Variants in DDX50 observed in about 807,000 individuals in gnomAD.
The protein encoded by DDX50 is DExD-box helicase 50.
In DDX50, 56 loss-of-function variants were observed where a neutral mutation model predicts 94.8. The ratio of observed to expected loss-of-function variants is 0.59; its 90% CI spans 0.48 to 0.74. The LOEUF is 0.74. Among genes scored for constraint, DDX50 ranks in the 30% least tolerant of loss-of-function variants. The probability of loss-of-function intolerance (pLI) is 0.00; values close to 1 mark genes in which losing one functional copy is unlikely to be tolerated. For missense variants in DDX50, 713 were observed against 881.2 expected (o/e 0.81, Z 2.42); for synonymous variants, 264 against 295.4 (o/e 0.89, Z 1.09).
intron 4 of DDX50, among the ~76,000 whole-genome samples, chr10:68,912,304 T>C (rs1841648711): frequency 6.6e-6 from 1 of 152,170 alleles, no homozygotes; most frequent in Non-Finnish European, 1.5e-5. Flanking sequence ...CATGAACTCC[T>C]GGGCTCAAGC....
chr10:68,901,341 T>G lies in DDX50; in HGVS notation c.-44T>G, dbSNP rs1234367510. The stretch of plus-strand genomic sequence containing the variant: ...CTTTCACGCTGTCGCTGCCCGTAGG[T>G]GGTTGTGGCCACTGTGCCCGGAGGG... On this transcript the variant is annotated 5_prime_UTR_variant, in exon 1 of 15. Coordinates refer to ENST00000373585, the MANE Select transcript of DDX50 (RefSeq NM_024045.2). 1.3e-6 allele frequency: 2 copies of G among 1,485,396 alleles called. No individual in the cohort carries two copies. Among genetic ancestry groups the G allele is most frequent in the Non-Finnish European group, 9.0e-7 (1 of 1,108,310 alleles). The allele number at this position is 1,485,396 out of a possible 1,614,324, so 92.0% of individuals were successfully genotyped here.
At chr10:68,936,516 ATATATATATATATATAT>A (rs1343181445) in intron 11 of DDX50, among the ~76,000 whole-genome samples, 3 of 16,696 alleles carry the variant, frequency 1.8e-4, no homozygotes, top group Admixed American at 1.3e-3. Flanking sequence ...AAAAAAAAAA[ATATATATATATATATAT>A]ATATATATAT....
chr10:68,946,026 G>GT (rs1842662830), intron 14 of DDX50, among the ~76,000 whole-genome samples: 1 of 151,690 alleles, frequency 6.6e-6, no homozygotes, highest in South Asian at 2.1e-4. Flanking sequence ...TAGAATGTTA[G>GT]TATTAGAATA....
chr10:68,910,400 T>G lies in DDX50; in HGVS notation c.460+18T>G. On this transcript the variant is annotated intron_variant, in intron 3 of 14. Transcript: ENST00000373585. ...TCTGAAAGGTATGCAGTTTGGTTGT[T>G]GTTGTTATTGTTGTTGTTTTGAGAC... 7.6e-6 allele frequency: 12 copies of G among 1,575,166 alleles called. No individual in the cohort carries two copies. Among genetic ancestry groups the G allele is most frequent in the Non-Finnish European group, 1.0e-5 (12 of 1,162,168 alleles).
At position 68,934,503 on chromosome 10, in the gene DDX50, T is replaced by G; in HGVS notation, c.1401+143T>G. ...TTTTGTTAGTGTGCTATTAAATTTATCAGATTCTGATACTTTTGCAGATGA... is the reference window on the plus strand; with the variant it reads ...TTTTGTTAGTGTGCTATTAAATTTAGCAGATTCTGATACTTTTGCAGATGA... On this transcript the variant is annotated intron_variant, in intron 9 of 14. Coordinates refer to ENST00000373585, the MANE Select transcript of DDX50 (RefSeq NM_024045.2). The surrounding 1 kb of genome is among the most constrained non-coding windows in gnomAD (Gnocchi z 4.0). 8.4e-7 allele frequency: 1 copy of G among 1,188,368 alleles called. No homozygotes were observed. The allele number at this position is 1,188,368 out of a possible 1,614,324, so 73.6% of individuals were successfully genotyped here.
At chr10:68,933,438 A>C (rs1176114398) in intron 8 of DDX50, among the ~76,000 whole-genome samples, 2 of 152,202 alleles carry the variant, frequency 1.3e-5, no homozygotes, top group Non-Finnish European at 2.9e-5. Flanking sequence ...GGATATTGCT[A>C]AAATAGATGC....
chr10:68,913,876 C>G (rs1841706527), intron 6 of DDX50, among the ~76,000 whole-genome samples, 183 bp from the exon 7 acceptor site: 1 of 152,106 alleles, frequency 6.6e-6, no homozygotes, highest in South Asian at 2.1e-4. Context: ...GTTCAGTTCT[C>G]TTCATATTGT....
chr10:68,908,204 A>C (rs1334150123), intron 2 of DDX50, among the ~76,000 whole-genome samples: 1 of 152,152 alleles, frequency 6.6e-6, no homozygotes, highest in Non-Finnish European at 1.5e-5. Flanking sequence ...TAATCCCAGC[A>C]CTTTGGGAGG....
chr10:68,918,250 T>C (rs1841853339), intron 7 of DDX50, among the ~76,000 whole-genome samples: 1 of 151,924 alleles, frequency 6.6e-6, no homozygotes, highest in African/African-American at 2.4e-5. Context: ...TAGAGTGCCA[T>C]ATTTACAGTT....
intron 1 of DDX50, among the ~76,000 whole-genome samples, chr10:68,903,894 T>C (rs1307741450): frequency 1.3e-5 from 2 of 150,974 alleles, no homozygotes; most frequent in Non-Finnish European, 2.9e-5. Context: ...AGGAATTGCT[T>C]GAACCTGGGA....
intron 1 of DDX50, among the ~76,000 whole-genome samples, chr10:68,903,586 A>C (rs1471210528): frequency 6.6e-6 from 1 of 152,136 alleles, no homozygotes; most frequent in Admixed American, 6.5e-5. Flanking sequence ...GGATCACCTA[A>C]GGTCAGGAGT....
intron 11 of DDX50, among the ~76,000 whole-genome samples, chr10:68,936,498 AAAAAAAAAAAAAAAAAAATATAT>A (rs1589270015): frequency 2.3e-5 from 1 of 42,730 alleles, no homozygotes; most frequent in East Asian, 7.1e-4. Context: ...CAAAAAAAAA[AAAAAAAAAAAAAAAAAAATATAT>A]ATATATATAT....
At chr10:68,946,238 C>T (rs1414190299) in intron 14 of DDX50, 114 bp from the exon 15 acceptor site, 7 of 1,287,580 alleles carry the variant, frequency 5.4e-6, no homozygotes, top group Non-Finnish European at 6.3e-6. Context: ...GATACGTTAA[C>T]AGAATAGATG....
chr10:68,918,077 A>G (rs1841848256), intron 7 of DDX50, among the ~76,000 whole-genome samples: 1 of 151,966 alleles, frequency 6.6e-6, no homozygotes, highest in Admixed American at 6.6e-5. Flanking sequence ...GGCGTCTGCC[A>G]CCATGCCCAG....
intron 10 of DDX50, 88 bp downstream of exon 10, chr10:68,935,006 T>TGAA (rs2132055689): frequency 6.9e-7 from 1 of 1,449,702 alleles, no homozygotes; most frequent in East Asian, 2.5e-5. Context: ...CAAGTAGGTC[T>TGAA]TCATAACTTT....
At chr10:68,917,373 T>A (rs1841826049) in intron 7 of DDX50, among the ~76,000 whole-genome samples, 1 of 151,962 alleles carries the variant, frequency 6.6e-6, no homozygotes, top group South Asian at 2.1e-4. Flanking sequence ...GAAAGAAGAA[T>A]CGCTTGAACC....
At chr10:68,910,489 GC>G in intron 3 of DDX50, 107 bp downstream of exon 3, 1 of 789,870 alleles carries the variant, frequency 1.3e-6, no homozygotes, top group South Asian at 1.9e-5. Flanking sequence ...TGCAACCTCC[GC>G]CTCCTGGGTT....
intron 1 of DDX50, chr10:68,906,204 A>G (rs1351745007): frequency 2.0e-5 from 3 of 152,396 alleles, no homozygotes. Context: ...AATAAGTTAC[A>G]AAAAAAACTT....
chr10:68,940,442 C>CAA (rs1275133172), intron 12 of DDX50, among the ~76,000 whole-genome samples: 1 of 149,548 alleles, frequency 6.7e-6, no homozygotes, highest in African/African-American at 2.5e-5. Context: ...TTTTTTGAGA[C>CAA]AGGGTCTAGT....
Sources: allele counts gnomAD v4.1 joint callset (sites outside exome capture counted in the v4.1 genomes callset), GRCh38; gene constraint gnomAD v4.1.1; non-coding constraint Gnocchi (gnomAD v3.1); transcripts MANE v1.5; gene names NCBI Gene and HGNC (gene_info 2026-07-23, HGNC 2026-07-21).